The following CCSER1 variants were observed in gnomAD, a reference collection of about 807,000 sequenced individuals.
CCSER1 encodes the protein coiled-coil serine rich protein 1.
Under a neutral mutation model 82.0 loss-of-function variants are expected in CCSER1, and 41 were observed. The observed-to-expected ratio is 0.50, with a 90% CI of 0.39 to 0.65. The LOEUF is 0.65. Ranked by LOEUF, CCSER1 falls within the 30% of genes least tolerant of loss-of-function variation. CCSER1 has a pLI of 0.00. For missense variants in CCSER1, 1,119 were observed against 1,064.2 expected (o/e 1.05, Z -0.72); for synonymous variants, 414 against 383.9 (o/e 1.08, Z -0.92).
rs1764775394 is a variant in CCSER1, at chr4:91,600,422, A to G, written c.*1365A>G. On this transcript the variant is annotated 3_prime_UTR_variant, in exon 11 of 11. Coordinates refer to ENST00000509176, the MANE Select transcript of CCSER1 (RefSeq NM_001145065.2). ...CAGAGCTGTTAAGTACATCCACATT[A>G]GCCATAGTCCATGCAAATTGAAACT... 1 of 152,182 alleles carries G rather than the reference A, an allele frequency of 6.6e-6. No homozygotes were observed. The highest frequency in any genetic ancestry group is 1.5e-5 in the Non-Finnish European group (1 of 68,012). The allele number at this position is 152,182 out of a possible 1,614,324, so 9.4% of individuals were successfully genotyped here.
chr4:90,276,942 C>T (rs1727937792), intron 1 of CCSER1, among the ~76,000 whole-genome samples: 1 of 152,070 alleles, frequency 6.6e-6, no homozygotes, highest in Admixed American at 6.6e-5. Flanking sequence ...GTTTTTTATA[C>T]ATTGGTTTTG....
chr4:90,658,377 T>C (rs528765463), intron 6 of CCSER1, among the ~76,000 whole-genome samples: 12 of 152,314 alleles, frequency 7.9e-5, no homozygotes, highest in South Asian at 4.1e-4. Flanking sequence ...ACGTCAGTCA[T>C]TGGGAACCTA....
At chr4:90,193,371 A>C (rs1279398981) in intron 1 of CCSER1, among the ~76,000 whole-genome samples, 1 of 152,106 alleles carries the variant, frequency 6.6e-6, no homozygotes, top group Non-Finnish European at 1.5e-5. Flanking sequence ...TATAGTACCC[A>C]GAAGATCATT....
chr4:91,104,592 A>T (rs1364445839), intron 10 of CCSER1, among the ~76,000 whole-genome samples: 1 of 152,228 alleles, frequency 6.6e-6, no homozygotes, highest in Non-Finnish European at 1.5e-5. Flanking sequence ...CTTTAAGTAG[A>T]ATTGCTACTA....
chr4:90,543,372 G>T (rs909038873), intron 5 of CCSER1, among the ~76,000 whole-genome samples: 2 of 152,096 alleles, frequency 1.3e-5, no homozygotes, highest in African/African-American at 4.8e-5. Context: ...ATATGCAGGT[G>T]GGCCCTAAAT....
At chr4:90,282,698 T>G (rs748982583) in intron 1 of CCSER1, among the ~76,000 whole-genome samples, 5 of 151,988 alleles carry the variant, frequency 3.3e-5, no homozygotes, top group Non-Finnish European at 7.4e-5. Flanking sequence ...ATACTATTGG[T>G]TAAAGAAAGT....
chr4:91,142,638 G>A (rs1186402593), intron 10 of CCSER1, among the ~76,000 whole-genome samples: 1 of 152,074 alleles, frequency 6.6e-6, no homozygotes, highest in Non-Finnish European at 1.5e-5. Context: ...GTTAATTCTT[G>A]TATATGTACA....
chr4:90,502,468 G>T (rs554602006), intron 5 of CCSER1, among the ~76,000 whole-genome samples: 11 of 152,164 alleles, frequency 7.2e-5, no homozygotes, highest in African/African-American at 2.7e-4. Context: ...GATTTGTGTG[G>T]GTGCACAGAG....
intron 7 of CCSER1, among the ~76,000 whole-genome samples, chr4:90,755,427 T>C (rs183729120): frequency 1.1e-4 from 17 of 152,276 alleles, no homozygotes; most frequent in Admixed American, 5.9e-4. Context: ...TTTTAACCAA[T>C]AGTTAGTCAG....
chr4:91,352,247 T>G (rs905531956), intron 10 of CCSER1, among the ~76,000 whole-genome samples: 6 of 152,176 alleles, frequency 3.9e-5, no homozygotes, highest in East Asian at 3.9e-4. Flanking sequence ...ATTTATTTTA[T>G]TTTAGTTTAG....
chr4:90,152,641 G>C (rs1727078863), intron 1 of CCSER1, among the ~76,000 whole-genome samples: 1 of 152,120 alleles, frequency 6.6e-6, no homozygotes, highest in African/African-American at 2.4e-5. Flanking sequence ...AATGTAACGT[G>C]TGTGTAGAGA....
At chr4:90,565,728 T>G (rs549364504) in intron 5 of CCSER1, among the ~76,000 whole-genome samples, 2 of 152,372 alleles carry the variant, frequency 1.3e-5, no homozygotes, top group East Asian at 3.9e-4. Context: ...ATATTTTGAA[T>G]TTTATCAAAT....
intron 1 of CCSER1, among the ~76,000 whole-genome samples, chr4:90,271,548 C>T (rs1726275894): frequency 6.6e-6 from 1 of 151,742 alleles, no homozygotes; most frequent in African/African-American, 2.4e-5. Context: ...TAAAATAAAA[C>T]TTTGGGGAAA....
intron 10 of CCSER1, among the ~76,000 whole-genome samples, chr4:91,575,539 T>C (rs1463596420): frequency 6.6e-6 from 1 of 151,942 alleles, no homozygotes; most frequent in Non-Finnish European, 1.5e-5. Context: ...AATAATCTGG[T>C]TAAAATGGGT....
intron 10 of CCSER1, among the ~76,000 whole-genome samples, chr4:91,151,274 T>A (rs1467052884): frequency 6.6e-6 from 1 of 152,204 alleles, no homozygotes; most frequent in African/African-American, 2.4e-5. Flanking sequence ...CTTATAGTAT[T>A]CTCTGATGGT....
chr4:90,917,228 C>A (rs578125671), intron 8 of CCSER1, among the ~76,000 whole-genome samples: 1 of 152,114 alleles, frequency 6.6e-6, no homozygotes, highest in South Asian at 2.1e-4. Context: ...ATGTTTATTG[C>A]GGCACTGTTC....
intron 9 of CCSER1, among the ~76,000 whole-genome samples, chr4:91,016,756 T>A (rs1220123891): frequency 6.6e-6 from 1 of 152,134 alleles, no homozygotes; most frequent in East Asian, 1.9e-4. Flanking sequence ...AAATTACATG[T>A]CCCTAACTTC....
intron 7 of CCSER1, among the ~76,000 whole-genome samples, chr4:90,771,189 A>G (rs1395147767): frequency 1.3e-5 from 2 of 152,104 alleles, no homozygotes; most frequent in Non-Finnish European, 2.9e-5. Flanking sequence ...ATCATAATTA[A>G]CCTTCTGTGG....
At chr4:90,283,039 G>T (rs1339744383) in intron 1 of CCSER1, among the ~76,000 whole-genome samples, 4 of 151,910 alleles carry the variant, frequency 2.6e-5, no homozygotes, top group African/African-American at 4.8e-5. Flanking sequence ...AAACGGCTTT[G>T]CTTTACCTGA....
Sources: gnomAD v4.1 joint callset for allele counts (sites outside exome capture counted in the v4.1 genomes callset) on GRCh38, gnomAD v4.1.1 for gene constraint, MANE v1.5 for transcripts, NCBI Gene and HGNC (gene_info 2026-07-23, HGNC 2026-07-21) for gene names.